OXSR1: variants seen among roughly 807,000 people sequenced by gnomAD.
OXSR1 encodes the protein serine/threonine-protein kinase OSR1.
A neutral mutation model predicts 79.8 loss-of-function variants in OXSR1; 24 were observed. That is an observed-to-expected ratio of 0.30 (90% CI 0.22 to 0.42). The LOEUF (loss-of-function observed/expected upper bound fraction) is 0.42. OXSR1 is among the 10% of genes least tolerant of loss of function. OXSR1 has a pLI of 1.00. For missense variants in OXSR1, 430 were observed against 618.4 expected (o/e 0.70, Z 3.23); for synonymous variants, 226 against 209.2 (o/e 1.08, Z -0.69).
chr3:38,167,017 G>T (rs981782103), intron 1 of OXSR1, among the ~76,000 whole-genome samples: 7 of 152,166 alleles, frequency 4.6e-5, no homozygotes, highest in African/African-American at 1.7e-4. Flanking sequence ...AGATGCAGTG[G>T]CCTTGAGTAA....
At position 38,182,164 on chromosome 3, in the gene OXSR1, G is replaced by C. The variant is rs141405590; in HGVS notation, c.71-839G>C. ...ATCTCTTGGAATGCTATTTTTTTCT[G>C]TTTTATTCTTCTGGCACCTCTAGAA... is the stretch of plus-strand genomic sequence containing the variant. On this transcript the variant is annotated intron_variant, in intron 1 of 17. Transcript: ENST00000311806. 4.6e-5 allele frequency among the ~76,000 whole-genome samples: 7 copies of C among 152,234 alleles called. No homozygotes were observed. The East Asian group carries it at 1.3e-3, about 29-fold the overall frequency.
At chr3:38,200,676 T>A (rs1702147661) in intron 4 of OXSR1, among the ~76,000 whole-genome samples, 1 of 152,216 alleles carries the variant, frequency 6.6e-6, no homozygotes. Flanking sequence ...AGATTCTGAG[T>A]GTGTAGTGTG....
intron 1 of OXSR1, among the ~76,000 whole-genome samples, chr3:38,180,035 T>A (rs112146752): frequency 0.028 from 4,166 of 151,252 alleles, 76 homozygotes; most frequent in Non-Finnish European, 0.041. Flanking sequence ...GTTGATCTCC[T>A]GACCCCCTGT....
chr3:38,190,745 C>T lies in OXSR1; in HGVS notation c.198C>T (p.Ala66=). 1 of 1,574,756 alleles carries T rather than the reference C, an allele frequency of 6.4e-7. No individual in the cohort carries two copies. The highest frequency in any genetic ancestry group is 8.7e-7 in the Non-Finnish European group (1 of 1,144,710). ...SMDELLKEIQ[A]MSQCHHPNIV... Reference sequence around the variant, plus strand: ...CTTCTTTGTAGAAAGAAATTCAAGCCATGAGTCAATGCCATCATCCTAATA... The same window carrying T: ...CTTCTTTGTAGAAAGAAATTCAAGCTATGAGTCAATGCCATCATCCTAATA... Residue 66 remains alanine (A), a synonymous_variant, in exon 3 of 18, where the codon GCC becomes GCT. Coordinates refer to ENST00000311806, the MANE Select transcript of OXSR1 (RefSeq NM_005109.3).
In OXSR1 at chr3:38,246,081, C is replaced by A; in HGVS notation, c.1117C>A (p.Pro373Thr). Reference sequence around the variant, plus strand: ...GTGTGTGTTTTTGTTACAGCTCTTTCCAACAACTGATCCTGTGGGTACTTT... The same window carrying A: ...GTGTGTGTTTTTGTTACAGCTCTTTACAACAACTGATCCTGTGGGTACTTT... ...KESISNSELFPTTDPVGTLLQ... is the reference protein window; with the variant it reads ...KESISNSELFTTTDPVGTLLQ... The change falls in exon 13 of 18, where the codon CCA becomes ACA. Residue 373 changes from proline to threonine, a missense_variant. Around this residue, in one of 3 missense-constraint regions of OXSR1, gnomAD observed 276 missense variants for 354.2 expected, o/e 0.78. Coordinates refer to ENST00000311806, the MANE Select transcript of OXSR1 (RefSeq NM_005109.3). 6.2e-7 allele frequency: 1 copy of A among 1,613,666 alleles called. No homozygotes were observed. The highest frequency in any genetic ancestry group is 8.5e-7 in the Non-Finnish European group (1 of 1,179,682).
At chr3:38,177,115 T>C (rs1470252047) in intron 1 of OXSR1, among the ~76,000 whole-genome samples, 1 of 152,262 alleles carries the variant, frequency 6.6e-6, no homozygotes, top group Non-Finnish European at 1.5e-5. Flanking sequence ...ATGTCTGTTA[T>C]CTGGGACCAA....
Position 38,239,207 on chromosome 3 carries a change from A to C in OXSR1, c.1074+2246A>C, listed in dbSNP as rs935875475. Among the ~76,000 whole-genome samples the C allele has an allele frequency of 1.1e-4, 17 of 152,074 alleles. 1 individual carries two copies. The highest frequency in any genetic ancestry group is 2.1e-4 in the Non-Finnish European group (14 of 68,000). On this transcript the variant is annotated intron_variant, in intron 11 of 17. Transcript: ENST00000311806. ...TTAACATCCTTCTCTTCTAATTCTA[A>C]CATCCATGTCAATTCTGAATTGGTT...
At chr3:38,223,952 C>T in intron 7 of OXSR1, 39 bp downstream of exon 7, 1 of 1,256,822 alleles carries the variant, frequency 8.0e-7, no homozygotes, top group Non-Finnish European at 1.1e-6. Flanking sequence ...AGCTCAAGTC[C>T]CAATTCCTTT....
intron 8 of OXSR1, among the ~76,000 whole-genome samples, chr3:38,226,628 A>G (rs556453383): frequency 1.1e-3 from 163 of 152,242 alleles, no homozygotes; most frequent in Non-Finnish European, 1.9e-3. Context: ...AGAAGGGCAT[A>G]TATATAACCT....
intron 8 of OXSR1, among the ~76,000 whole-genome samples, chr3:38,226,187 C>G (rs189492360): frequency 8.5e-5 from 13 of 152,078 alleles, no homozygotes; most frequent in African/African-American, 3.1e-4. Flanking sequence ...ACATAATGCC[C>G]CACTGTAATA....
intron 6 of OXSR1, 39 bp from the exon 7 acceptor site, chr3:38,223,773 T>C: frequency 2.7e-6 from 4 of 1,470,944 alleles, no homozygotes; most frequent in Non-Finnish European, 3.8e-6. Context: ...AAAAGTCCTT[T>C]TATGCTGGTA....
chr3:38,238,284 A>G (rs1432445845), intron 11 of OXSR1, among the ~76,000 whole-genome samples: 1 of 152,112 alleles, frequency 6.6e-6, no homozygotes, highest in Non-Finnish European at 1.5e-5. Flanking sequence ...TGTTAAGAAA[A>G]TAATATACCA....
At chr3:38,185,140 C>T (rs988910777) in intron 2 of OXSR1, among the ~76,000 whole-genome samples, 4 of 151,212 alleles carry the variant, frequency 2.6e-5, no homozygotes, top group Admixed American at 1.3e-4. Flanking sequence ...AAATTGAATA[C>T]GACTTACACA....
intron 11 of OXSR1, 121 bp from the exon 12 acceptor site, chr3:38,242,622 G>A (rs955466237): frequency 4.9e-5 from 26 of 527,908 alleles, no homozygotes; most frequent in Non-Finnish European, 8.6e-5. Flanking sequence ...TTGCTGGTGA[G>A]TTAATATATG....
At chr3:38,210,974 C>T (rs1467527068) in intron 4 of OXSR1, among the ~76,000 whole-genome samples, 1 of 152,216 alleles carries the variant, frequency 6.6e-6, no homozygotes, top group African/African-American at 2.4e-5. Flanking sequence ...ACTATTATTA[C>T]ATCTTTGCCA....
rs866122488 is a variant in OXSR1 at position 38,254,565 on chromosome 3, A to T, written c.*1674A>T. Reference sequence around the variant, plus strand: ...CAGGAGGGAGAAAAGAAGATTGACCAGCTTGCTAGAAAAATACTTAGCTTT... The same window carrying T: ...CAGGAGGGAGAAAAGAAGATTGACCTGCTTGCTAGAAAAATACTTAGCTTT... On this transcript the variant is annotated 3_prime_UTR_variant, in exon 18 of 18. Coordinates refer to ENST00000311806, the MANE Select transcript of OXSR1 (RefSeq NM_005109.3). 1.8e-4 allele frequency: 53 copies of T among 297,076 alleles called. No individual in the cohort carries two copies. Among genetic ancestry groups the T allele is most frequent in the African/African-American group, 9.2e-4 (43 of 46,578 alleles). The allele number at this position is 297,076 out of a possible 1,614,324, so 18.4% of individuals were successfully genotyped here.
At chr3:38,236,748 A>G (rs909823708) in intron 10 of OXSR1, 91 bp from the exon 11 acceptor site, 17 of 1,160,506 alleles carry the variant, frequency 1.5e-5, no homozygotes, top group Non-Finnish European at 2.1e-5. Flanking sequence ...TACTTAATGG[A>G]TTGAAGTGAT....
chr3:38,169,359 G>A (rs1176017511), intron 1 of OXSR1, among the ~76,000 whole-genome samples: 1 of 151,946 alleles, frequency 6.6e-6, no homozygotes, highest in Non-Finnish European at 1.5e-5. Context: ...AGGCTGGGGT[G>A]CAGTGGTGCC....
At chr3:38,196,531 T>C (rs1026678613) in intron 3 of OXSR1, among the ~76,000 whole-genome samples, 2 of 152,222 alleles carry the variant, frequency 1.3e-5, no homozygotes, top group Admixed American at 6.5e-5. Flanking sequence ...TAAATTGTTA[T>C]GCCAAAGAAG....
Sources: allele counts gnomAD v4.1 joint callset (sites outside exome capture counted in the v4.1 genomes callset), GRCh38; gene constraint gnomAD v4.1.1; regional missense constraint gnomAD v4.1.1; transcripts MANE v1.5; gene names NCBI Gene and HGNC (gene_info 2026-07-23, HGNC 2026-07-21).